The following SIN3A variants were observed in gnomAD, a reference collection of about 807,000 sequenced individuals.
The protein encoded by SIN3A is SIN3 transcription regulator family member A.
A neutral mutation model predicts 146.1 loss-of-function variants in SIN3A; 14 were observed. The observed-to-expected ratio is 0.10, with a 90% CI of 0.06 to 0.15. The LOEUF (loss-of-function observed/expected upper bound fraction) is 0.15. SIN3A is among the 10% of genes least tolerant of loss of function. SIN3A has a pLI of 1.00. For synonymous variants in SIN3A, 572 were observed against 572.0 expected (o/e 1.00, Z 0.00); for missense variants, 1,028 against 1,576.0 (o/e 0.65, Z 5.89).
intron 2 of SIN3A, among the ~76,000 whole-genome samples, chr15:75,424,215 C>T (rs1344774017): frequency 6.6e-6 from 1 of 151,806 alleles, no homozygotes; most frequent in Admixed American, 6.6e-5. Flanking sequence ...GGCGGATCAC[C>T]TGAGGTTGGG....
chr15:75,389,407 C>G (rs1051542646), intron 16 of SIN3A, among the ~76,000 whole-genome samples: 5 of 152,084 alleles, frequency 3.3e-5, no homozygotes, highest in Non-Finnish European at 5.9e-5. Flanking sequence ...GTGCAGGAAG[C>G]TGGGGTCAGG....
In SIN3A at chr15:75,392,786, A is replaced by G. The variant is rs1259834398; in HGVS notation, c.2307T>C (p.Ala769=). The change falls in exon 15 of 21, where the codon GCT becomes GCC. Residue 769 remains alanine, a synonymous_variant. Coordinates refer to ENST00000394947, the MANE Select transcript of SIN3A (RefSeq NM_001145358.2). ...AGAGGTGTGGGCCAACAGGTACACC[A>G]GCATTCTCCTCCGTAGCCTGCTCTT... is the stretch of plus-strand genomic sequence containing the variant. ...ERQEQATEEN[A]GVPVGPHLSL... The G allele has an allele frequency of 6.2e-7, 1 of 1,613,340 alleles. No individual in the cohort carries two copies. The highest frequency in any genetic ancestry group is 8.5e-7 in the Non-Finnish European group (1 of 1,179,720).
rs777143458 is a variant in SIN3A at position 75,422,847 on chromosome 15, G to C, written c.190-24C>G. 7.5e-6 allele frequency: 12 copies of C among 1,600,022 alleles called. No individual in the cohort carries two copies. In the African/African-American group the frequency reaches 1.6e-4, roughly 21 times the overall value. ...ACCTGGGGTGAACAAAATACAGACA[G>C]GAAACTTCAAGGCTTGTACATTCTT... is the stretch of plus-strand genomic sequence containing the variant. On this transcript the variant is annotated intron_variant, in intron 2 of 20. Transcript: ENST00000394947.
chr15:75,385,916 C>T (rs1360683204), intron 16 of SIN3A, among the ~76,000 whole-genome samples: 1 of 152,058 alleles, frequency 6.6e-6, no homozygotes, highest in East Asian at 1.9e-4. Flanking sequence ...TTATGAGTAC[C>T]TGATATCATG....
chr15:75,391,473 A>G (rs1361529938), intron 15 of SIN3A, among the ~76,000 whole-genome samples: 4 of 151,488 alleles, frequency 2.6e-5, no homozygotes, highest in Admixed American at 6.6e-5. Flanking sequence ...AGCTAGGGCC[A>G]TATCTGGGCT....
intron 2 of SIN3A, among the ~76,000 whole-genome samples, chr15:75,428,848 G>C (rs1321433908): frequency 6.6e-6 from 1 of 152,048 alleles, no homozygotes; most frequent in African/African-American, 2.4e-5. Flanking sequence ...TGCCAACCCT[G>C]AGATGGCCAG....
At chr15:75,397,766 G>T (rs1003204412) in intron 12 of SIN3A, among the ~76,000 whole-genome samples, 5 of 152,196 alleles carry the variant, frequency 3.3e-5, no homozygotes, top group African/African-American at 1.2e-4. Flanking sequence ...AATGGGAAAT[G>T]AAGTTGCCTC....
intron 1 of SIN3A, among the ~76,000 whole-genome samples, chr15:75,442,143 A>AC (rs2074225341): frequency 6.7e-6 from 1 of 148,928 alleles, no homozygotes; most frequent in African/African-American, 2.5e-5. Context: ...AAAAAAAAAA[A>AC]AAAAAAAAAA....
chr15:75,447,222 T>A (rs963430113), intron 1 of SIN3A, among the ~76,000 whole-genome samples: 1 of 152,190 alleles, frequency 6.6e-6, no homozygotes, highest in African/African-American at 2.4e-5. Context: ...AGAGCCGCAG[T>A]AACAAAACAA....
chr15:75,418,752 T>C (rs980017966), intron 3 of SIN3A, among the ~76,000 whole-genome samples: 8 of 151,802 alleles, frequency 5.3e-5, no homozygotes, highest in Non-Finnish European at 1.2e-4. Flanking sequence ...AAATGGCCGC[T>C]TTTTTGTTTT....
chr15:75,394,876 G>T lies in SIN3A; in HGVS notation c.2094-13C>A. The T allele has an allele frequency of 6.2e-6, 10 of 1,609,008 alleles. No homozygotes were observed. Among genetic ancestry groups the T allele is most frequent in the African/African-American group, 1.3e-5 (1 of 74,842 alleles). On this transcript the variant is annotated splice_polypyrimidine_tract_variant and intron_variant, in intron 13 of 20. Coordinates refer to ENST00000394947, the MANE Select transcript of SIN3A (RefSeq NM_001145358.2). ...TTTCATCTTCAACCTAGTGAAGCGG[G>T]AAGGGATGGAAACAACACATGGGAA...
intron 3 of SIN3A, chr15:75,420,941 C>T (rs998903277): frequency 1.3e-5 from 2 of 151,938 alleles, no homozygotes; most frequent in African/African-American, 4.8e-5. Context: ...TCTATAACCC[C>T]AAATCCAAAA....
At chr15:75,374,374 A>C (rs982125390) in intron 20 of SIN3A, among the ~76,000 whole-genome samples, 4 of 152,336 alleles carry the variant, frequency 2.6e-5, no homozygotes, top group Non-Finnish European at 5.9e-5. Context: ...AGACACAGCG[A>C]AACTCTGTCT....
chr15:75,395,627 G>A (rs1287131659), intron 13 of SIN3A, among the ~76,000 whole-genome samples: 2 of 152,234 alleles, frequency 1.3e-5, no homozygotes, highest in African/African-American at 4.8e-5. Flanking sequence ...TGGGTGTGGT[G>A]TGGCTTGTGC....
At chr15:75,419,059 G>A (rs922887627) in intron 3 of SIN3A, among the ~76,000 whole-genome samples, 5 of 151,950 alleles carry the variant, frequency 3.3e-5, no homozygotes, top group South Asian at 2.1e-4. Flanking sequence ...ACCCGGCCCC[G>A]AGACAAATGG....
intron 15 of SIN3A, among the ~76,000 whole-genome samples, chr15:75,390,437 C>A (rs1028716423): frequency 6.6e-6 from 1 of 152,204 alleles, no homozygotes; most frequent in Non-Finnish European, 1.5e-5. Flanking sequence ...AGTTGCTGCA[C>A]ATGAATCATT....
intron 3 of SIN3A, chr15:75,421,109 T>TTA: frequency 6.6e-6 from 1 of 152,342 alleles, no homozygotes; most frequent in Non-Finnish European, 1.5e-5. Flanking sequence ...TTTTGTTAGT[T>TTA]TAATAAGCAA....
intron 1 of SIN3A, among the ~76,000 whole-genome samples, chr15:75,431,229 G>A (rs942214741): frequency 4.6e-5 from 7 of 152,140 alleles, no homozygotes; most frequent in African/African-American, 1.4e-4. Flanking sequence ...AAGATGCTAC[G>A]TAACTTCAAC....
chr15:75,437,529 C>A (rs899194827), intron 1 of SIN3A, among the ~76,000 whole-genome samples: 4 of 152,058 alleles, frequency 2.6e-5, no homozygotes, highest in East Asian at 1.9e-4. Context: ...AGGTCACATA[C>A]CTGACTAAAA....
Sources: allele counts gnomAD v4.1 joint callset (sites outside exome capture counted in the v4.1 genomes callset), GRCh38; gene constraint gnomAD v4.1.1; transcripts MANE v1.5; gene names NCBI Gene and HGNC (gene_info 2026-07-23, HGNC 2026-07-21).